STK32B: variants seen among roughly 807,000 people sequenced by gnomAD.
The protein encoded by STK32B is serine/threonine kinase 32B, also known as serine/threonine-protein kinase 32B.
In STK32B, 43 loss-of-function variants were observed where a neutral mutation model predicts 52.6. The ratio of observed to expected loss-of-function variants is 0.82; its 90% CI spans 0.64 to 1.05. STK32B has a LOEUF of 1.05. Ranked by LOEUF, STK32B falls within the 50% of genes least tolerant of loss-of-function variation. The pLI is 0.00. For missense variants in STK32B, 621 were observed against 534.6 expected (o/e 1.16, Z -1.59); for synonymous variants, 238 against 204.3 (o/e 1.17, Z -1.41).
At chr4:5,290,163 C>T (rs559536696) in intron 3 of STK32B, among the ~76,000 whole-genome samples, 14 of 152,240 alleles carry the variant, frequency 9.2e-5, no homozygotes, top group South Asian at 2.1e-4. Flanking sequence ...AGCACAGCCA[C>T]GGACGCCCAT....
At chr4:5,445,554 G>A (rs1715323149) in intron 6 of STK32B, among the ~76,000 whole-genome samples, 1 of 152,106 alleles carries the variant, frequency 6.6e-6, no homozygotes, top group African/African-American at 2.4e-5. Context: ...TCAGCCCCTT[G>A]GAGAGTGATC....
intron 4 of STK32B, among the ~76,000 whole-genome samples, chr4:5,352,391 A>G (rs993548776): frequency 6.6e-6 from 1 of 152,080 alleles, no homozygotes; most frequent in Non-Finnish European, 1.5e-5. Context: ...ATAAAATTCA[A>G]TATCCTTTCA....
intron 1 of STK32B, among the ~76,000 whole-genome samples, chr4:5,074,998 T>G (rs1167069867): frequency 6.6e-6 from 1 of 152,148 alleles, no homozygotes; most frequent in African/African-American, 2.4e-5. Flanking sequence ...ACTAAGCTCT[T>G]TCAATTTTTC....
intron 3 of STK32B, among the ~76,000 whole-genome samples, chr4:5,192,808 A>G (rs947802005): frequency 1.3e-5 from 2 of 152,162 alleles, no homozygotes; most frequent in Non-Finnish European, 2.9e-5. Flanking sequence ...CATGCTGTAC[A>G]TTAGAGCCCA....
intron 11 of STK32B, among the ~76,000 whole-genome samples, chr4:5,489,269 A>T (rs1224372510): frequency 6.6e-6 from 1 of 152,040 alleles, no homozygotes; most frequent in Non-Finnish European, 1.5e-5. Flanking sequence ...ATATTAGACA[A>T]AGCTAATCAT....
intron 7 of STK32B, among the ~76,000 whole-genome samples, chr4:5,447,781 A>G (rs112882495): frequency 1.4e-4 from 21 of 152,194 alleles, no homozygotes; most frequent in African/African-American, 3.9e-4. Flanking sequence ...CTTTCTGTCT[A>G]TTTAGCGGAG....
At chr4:5,105,094 G>C (rs1028295135) in intron 1 of STK32B, among the ~76,000 whole-genome samples, 3 of 152,164 alleles carry the variant, frequency 2.0e-5, no homozygotes, top group African/African-American at 7.2e-5. Flanking sequence ...GACAATTGTT[G>C]TTGTCTGACA....
intron 3 of STK32B, among the ~76,000 whole-genome samples, chr4:5,309,920 C>T (rs973555886): frequency 1.3e-5 from 2 of 152,100 alleles, no homozygotes; most frequent in African/African-American, 2.4e-5. Context: ...AATCCCAGCA[C>T]TTTGGGAGGC....
At chr4:5,140,426 C>A in intron 2 of STK32B, 1 of 661,124 alleles carries the variant, frequency 1.5e-6, no homozygotes, top group Non-Finnish European at 2.0e-6. Context: ...CAGTCTGTTC[C>A]CACATACTCA....
intron 3 of STK32B, among the ~76,000 whole-genome samples, chr4:5,311,652 C>A (rs1730296238): frequency 6.6e-6 from 1 of 152,206 alleles, no homozygotes; most frequent in South Asian, 2.1e-4. Context: ...ATATTGTGAA[C>A]ACATTTTTAC....
At chr4:5,284,092 AAG>A (rs1472860042) in intron 3 of STK32B, among the ~76,000 whole-genome samples, 1 of 152,160 alleles carries the variant, frequency 6.6e-6, no homozygotes, top group African/African-American at 2.4e-5. Context: ...AAAATTGTAA[AAG>A]AGGGAGAGGG....
At chr4:5,092,654 A>G (rs545857508) in intron 1 of STK32B, among the ~76,000 whole-genome samples, 1 of 152,194 alleles carries the variant, frequency 6.6e-6, no homozygotes, top group East Asian at 1.9e-4. Flanking sequence ...GCTTCTGAGG[A>G]GTCCGTCTCA....
chr4:5,340,014 G>A (rs1732969277), intron 4 of STK32B, among the ~76,000 whole-genome samples: 1 of 152,202 alleles, frequency 6.6e-6, no homozygotes, highest in Non-Finnish European at 1.5e-5. Flanking sequence ...GCATAGCCTA[G>A]TGACTTCAAT....
At chr4:5,437,859 CTGAACAGCCAA>C in intron 6 of STK32B, 1 of 961,876 alleles carries the variant, frequency 1.0e-6, no homozygotes, top group East Asian at 1.2e-4. Flanking sequence ...TGCTGGGATT[CTGAACAGCCAA>C]TGACATCATT....
intron 3 of STK32B, among the ~76,000 whole-genome samples, chr4:5,317,448 A>T (rs187489243): frequency 0.019 from 713 of 38,194 alleles, 117 homozygotes; most frequent in African/African-American, 0.067. Flanking sequence ...ATATATACAT[A>T]ATATATATAA....
chr4:5,076,508 G>A (rs1712083123), intron 1 of STK32B, among the ~76,000 whole-genome samples: 2 of 152,080 alleles, frequency 1.3e-5, no homozygotes, highest in Admixed American at 6.6e-5. Context: ...AAGCATAGGG[G>A]CATTTTTAAT....
intron 6 of STK32B, among the ~76,000 whole-genome samples, chr4:5,438,591 A>C (rs1356993346): frequency 3.9e-5 from 6 of 152,026 alleles, no homozygotes; most frequent in African/African-American, 1.2e-4. Context: ...GAGTGATTTG[A>C]CTTTTTTTGT....
Position 5,423,502 on chromosome 4 carries a change from C to T in STK32B, c.562+6568C>T, listed in dbSNP as rs538977106. On this transcript the variant is annotated intron_variant, in intron 6 of 11. Coordinates refer to ENST00000282908, the MANE Select transcript of STK32B (RefSeq NM_018401.3). ...CATAATGCCTGATGAAAGGTAACTA[C>T]TCACAACCAGTAGCCAATATTAATG... Among the ~76,000 whole-genome samples, 14 of 152,318 alleles carry T rather than the reference C, an allele frequency of 9.2e-5. No homozygotes were observed. The East Asian group carries it at 2.3e-3, about 25-fold the overall frequency.
intron 3 of STK32B, among the ~76,000 whole-genome samples, chr4:5,245,976 C>G (rs1160270143): frequency 7.2e-5 from 11 of 152,152 alleles, no homozygotes; most frequent in Admixed American, 3.3e-4. Context: ...TTGTGGGTAA[C>G]CCGACCTTTC....
Sources: gnomAD v4.1 joint callset for allele counts (sites outside exome capture counted in the v4.1 genomes callset) on GRCh38, gnomAD v4.1.1 for gene constraint, MANE v1.5 for transcripts, NCBI Gene and HGNC (gene_info 2026-07-23, HGNC 2026-07-21) for gene names.